Variants in TEX9 observed in about 807,000 individuals in gnomAD.
TEX9 encodes the protein testis expressed 9.
A neutral mutation model predicts 59.6 loss-of-function variants in TEX9; 74 were observed. That is an observed-to-expected ratio of 1.24 (90% CI 1.03 to 1.51). The LOEUF is 1.51. Among genes scored for constraint, TEX9 ranks in the 40% most tolerant of loss-of-function variants. The pLI is 0.00. For missense variants in TEX9, 522 were observed against 447.8 expected (o/e 1.17, Z -1.49); for synonymous variants, 186 against 152.2 (o/e 1.22, Z -1.64).
intron 7 of TEX9, among the ~76,000 whole-genome samples, chr15:56,392,321 CCAAT>C (rs1365810829): frequency 6.6e-6 from 1 of 152,102 alleles, no homozygotes; most frequent in Non-Finnish European, 1.5e-5. Flanking sequence ...CAGGAAACTT[CCAAT>C]CATGGCGGAA....
intron 3 of TEX9, among the ~76,000 whole-genome samples, chr15:56,381,698 A>C (rs2047732361): frequency 6.6e-6 from 1 of 152,208 alleles, no homozygotes; most frequent in Non-Finnish European, 1.5e-5. Flanking sequence ...ATTTTCTCCC[A>C]AACAAATGGA....
intron 1 of TEX9, among the ~76,000 whole-genome samples, chr15:56,291,151 T>C (rs1019580603): frequency 5.4e-4 from 82 of 152,234 alleles, no homozygotes; most frequent in African/African-American, 2.0e-3. Context: ...TTTAGAGTTA[T>C]TCATTGATAC....
At chr15:56,354,350 A>G (rs2046644865) in intron 1 of TEX9, among the ~76,000 whole-genome samples, 1 of 152,160 alleles carries the variant, frequency 6.6e-6, no homozygotes, top group Non-Finnish European at 1.5e-5. Flanking sequence ...TTGTCAAATA[A>G]CTACCTCCAT....
intron 9 of TEX9, among the ~76,000 whole-genome samples, chr15:56,404,150 A>C (rs1387687968): frequency 6.6e-6 from 1 of 152,224 alleles, no homozygotes; most frequent in Non-Finnish European, 1.5e-5. Context: ...TAATTAAACT[A>C]AAGACCTTCT....
intron 10 of TEX9, among the ~76,000 whole-genome samples, chr15:56,420,308 T>C (rs570539938): frequency 1.3e-4 from 20 of 151,380 alleles, no homozygotes; most frequent in Non-Finnish European, 2.4e-4. Flanking sequence ...TTCTCTTTTC[T>C]CTTTTTTTTT....
At chr15:56,335,132 A>G (rs1283964128) in intron 1 of TEX9, among the ~76,000 whole-genome samples, 2 of 152,212 alleles carry the variant, frequency 1.3e-5, no homozygotes, top group Non-Finnish European at 2.9e-5. Flanking sequence ...TATATGATCC[A>G]GCAATCCTAC....
At chr15:56,394,663 G>A (rs200910908) in exon 9 of TEX9, 12 of 1,576,718 alleles carry the variant, frequency 7.6e-6, no homozygotes, top group Non-Finnish European at 8.7e-7. Context: ...AACTATAGGA[G>A]GATGAAATTC....
At chr15:56,413,258 A>G (rs2049483964) in intron 10 of TEX9, among the ~76,000 whole-genome samples, 1 of 129,892 alleles carries the variant, frequency 7.7e-6, no homozygotes, top group Non-Finnish European at 1.6e-5. Flanking sequence ...TAATTTATTT[A>G]ATTAAATAAT....
intron 12 of TEX9, among the ~76,000 whole-genome samples, chr15:56,433,885 C>T (rs566055905): frequency 6.6e-6 from 1 of 152,114 alleles, no homozygotes; most frequent in South Asian, 2.1e-4. Flanking sequence ...TAACCAAGAC[C>T]ATAAATTCAT....
intron 11 of TEX9, among the ~76,000 whole-genome samples, chr15:56,428,084 G>A (rs763356566): frequency 6.6e-6 from 1 of 151,986 alleles, no homozygotes; most frequent in African/African-American, 2.4e-5. Flanking sequence ...AACCACTATT[G>A]CTGCTTTCTC....
At chr15:56,435,700 A>G (rs2050711870) in intron 12 of TEX9, among the ~76,000 whole-genome samples, 1 of 151,996 alleles carries the variant, frequency 6.6e-6, no homozygotes, top group South Asian at 2.1e-4. Flanking sequence ...CCAAAATAAA[A>G]CCCCAAGTCA....
intron 10 of TEX9, among the ~76,000 whole-genome samples, chr15:56,416,661 T>G (rs1166502767): frequency 6.6e-6 from 1 of 151,896 alleles, no homozygotes; most frequent in Non-Finnish European, 1.5e-5. Flanking sequence ...GATATTGGCC[T>G]GAAGTTTTCT....
intron 2 of TEX9, among the ~76,000 whole-genome samples, chr15:56,370,402 C>A (rs1158576142): frequency 6.6e-6 from 1 of 151,938 alleles, no homozygotes; most frequent in Non-Finnish European, 1.5e-5. Flanking sequence ...ATTCAATTTC[C>A]TCCTTCCTGA....
At chr15:56,369,356 ATT>A (rs34693580) in intron 2 of TEX9, among the ~76,000 whole-genome samples, 9 of 142,614 alleles carry the variant, frequency 6.3e-5, no homozygotes, top group Non-Finnish European at 6.1e-5. Flanking sequence ...TGCCATGCTA[ATT>A]TTTTTTTTTT....
At chr15:56,398,983 A>G (rs1236045911) in intron 9 of TEX9, among the ~76,000 whole-genome samples, 1 of 152,112 alleles carries the variant, frequency 6.6e-6, no homozygotes, top group African/African-American at 2.4e-5. Context: ...AATACAAAAC[A>G]GTGCCCTTCT....
chr15:56,386,091 C>T (rs991761483), intron 4 of TEX9, among the ~76,000 whole-genome samples: 2 of 151,990 alleles, frequency 1.3e-5, no homozygotes, highest in Admixed American at 6.6e-5. Context: ...TATGGTATAT[C>T]CATGCAATGG....
intron 10 of TEX9, among the ~76,000 whole-genome samples, chr15:56,424,815 A>G (rs1216454304): frequency 1.3e-5 from 2 of 152,146 alleles, no homozygotes; most frequent in Non-Finnish European, 2.9e-5. Context: ...ACAGGCCTTT[A>G]TATTTGTCCA....
intron 10 of TEX9, 54 bp downstream of exon 10, chr15:56,412,490 T>C: frequency 6.6e-7 from 1 of 1,520,542 alleles, no homozygotes; most frequent in South Asian, 1.2e-5. Flanking sequence ...ACTACTTCTT[T>C]TATGAACATG....
chr15:56,298,209 G>GA (rs1386026871), intron 1 of TEX9, among the ~76,000 whole-genome samples: 1 of 152,092 alleles, frequency 6.6e-6, no homozygotes, highest in Admixed American at 6.5e-5. Context: ...TAAATTTCTA[G>GA]ACCACTTCTA....
Sources: gnomAD v4.1 joint callset for allele counts (sites outside exome capture counted in the v4.1 genomes callset) on GRCh38, gnomAD v4.1.1 for gene constraint, MANE v1.5 for transcripts, NCBI Gene and HGNC (gene_info 2026-07-23, HGNC 2026-07-21) for gene names.